The following DPP10 variants were observed in gnomAD, a reference collection of about 807,000 sequenced individuals.
The protein encoded by DPP10 is inactive dipeptidyl peptidase 10.
In DPP10, 33 loss-of-function variants were observed where a neutral mutation model predicts 120.9. That is an observed-to-expected ratio of 0.27 (90% CI 0.21 to 0.37). The LOEUF is 0.37. Among genes scored for constraint, DPP10 ranks in the 10% least tolerant of loss-of-function variants. The pLI, the probability that DPP10 is intolerant of heterozygous loss-of-function variation, is 1.00. For missense variants in DPP10, 816 were observed against 942.8 expected (o/e 0.87, Z 1.76); for synonymous variants, 337 against 326.1 (o/e 1.03, Z -0.36).
At chr2:115,341,864 T>G (rs1388305687) in intron 2 of DPP10, among the ~76,000 whole-genome samples, 1 of 152,192 alleles carries the variant, frequency 6.6e-6, no homozygotes, top group African/African-American at 2.4e-5. Flanking sequence ...TCTTGGTTGC[T>G]TCCAAATTTT....
At chr2:114,702,445 G>A (rs757435341) in intron 1 of DPP10, among the ~76,000 whole-genome samples, 2 of 151,968 alleles carry the variant, frequency 1.3e-5, no homozygotes, top group African/African-American at 4.8e-5. Flanking sequence ...GTAGTGGGTG[G>A]CCATTGCTCT....
chr2:115,371,393 A>G (rs1482310237), intron 3 of DPP10, among the ~76,000 whole-genome samples: 2 of 152,194 alleles, frequency 1.3e-5, no homozygotes, highest in African/African-American at 4.8e-5. Context: ...TTAAGAAACA[A>G]CAAATGTAGG....
At chr2:115,195,457 A>T (rs1156368357) in intron 1 of DPP10, among the ~76,000 whole-genome samples, 2 of 152,198 alleles carry the variant, frequency 1.3e-5, no homozygotes, top group Non-Finnish European at 2.9e-5. Flanking sequence ...TAATACCTTG[A>T]GCTTGTGCTT....
At chr2:114,782,628 T>C (rs1029632029) in intron 1 of DPP10, among the ~76,000 whole-genome samples, 1 of 152,094 alleles carries the variant, frequency 6.6e-6, no homozygotes, top group African/African-American at 2.4e-5. Flanking sequence ...GCTCCTCTTT[T>C]CATTTTATAG....
At chr2:115,041,707 C>T (rs878865206) in intron 1 of DPP10, among the ~76,000 whole-genome samples, 2 of 152,184 alleles carry the variant, frequency 1.3e-5, no homozygotes, top group Admixed American at 1.3e-4. Context: ...CACACCCTTG[C>T]TGCCTCAAGA....
chr2:115,469,701 C>A (rs1001890752), intron 3 of DPP10, among the ~76,000 whole-genome samples: 1 of 151,976 alleles, frequency 6.6e-6, no homozygotes, highest in Admixed American at 6.6e-5. Context: ...GAGCTCGAGA[C>A]CAGCCTGACC....
intron 1 of DPP10, among the ~76,000 whole-genome samples, chr2:115,023,491 AT>A (rs1371309983): frequency 2.6e-5 from 4 of 152,114 alleles, no homozygotes; most frequent in Admixed American, 1.3e-4. Flanking sequence ...AATCAAAAAA[AT>A]AATAGATGTT....
At chr2:115,375,198 C>T (rs542647977) in intron 3 of DPP10, among the ~76,000 whole-genome samples, 2 of 152,208 alleles carry the variant, frequency 1.3e-5, no homozygotes, top group Non-Finnish European at 2.9e-5. Flanking sequence ...TTAGGAGCAT[C>T]CAGGTCACAT....
Position 114,469,205 on chromosome 2 carries a change from T to C in DPP10, c.60+26367T>C, listed in dbSNP as rs150302067. Among the ~76,000 whole-genome samples the C allele has an allele frequency of 2.6e-5, 4 of 152,288 alleles. No individual in the cohort carries two copies. The East Asian group carries it at 7.7e-4, about 29-fold the overall frequency. ...CAGAAACTGTTACTGTTTTATTCCA[T>C]CATCTTAGGGCATCATACTTCATGG... On this transcript the variant is annotated intron_variant, in intron 1 of 25. Transcript: ENST00000410059.
At chr2:114,571,528 T>A (rs949794568) in intron 1 of DPP10, among the ~76,000 whole-genome samples, 8 of 152,110 alleles carry the variant, frequency 5.3e-5, no homozygotes, top group Admixed American at 2.6e-4. Context: ...ACCTTTAACA[T>A]ACGTGTAATG....
At chr2:114,711,614 T>C (rs1273621419) in intron 1 of DPP10, among the ~76,000 whole-genome samples, 1 of 152,222 alleles carries the variant, frequency 6.6e-6, no homozygotes, top group Non-Finnish European at 1.5e-5. Context: ...TGGCACATAG[T>C]AGGAGCTATG....
chr2:115,252,837 C>G (rs1346536983), intron 1 of DPP10, among the ~76,000 whole-genome samples: 1 of 152,160 alleles, frequency 6.6e-6, no homozygotes, highest in African/African-American at 2.4e-5. Context: ...AAAAATCTCT[C>G]TTCTAACCCT....
chr2:114,728,731 C>T (rs1032882627), intron 1 of DPP10, among the ~76,000 whole-genome samples: 16 of 152,140 alleles, frequency 1.1e-4, no homozygotes, highest in Admixed American at 2.0e-4. Flanking sequence ...GAGCTCTAAT[C>T]GTCTATTATT....
intron 5 of DPP10, among the ~76,000 whole-genome samples, chr2:115,650,696 A>G (rs1190705586): frequency 1.3e-5 from 2 of 151,968 alleles, no homozygotes; most frequent in East Asian, 1.9e-4. Context: ...GCTAGCCTCC[A>G]TGAGTATTTC....
At chr2:115,161,480 C>CG (rs1559163465) in intron 1 of DPP10, 2 of 148,672 alleles carry the variant, frequency 1.3e-5, no homozygotes, top group African/African-American at 4.9e-5. Context: ...CCGGGCTCTC[C>CG]CCCCCCCCGG....
intron 22 of DPP10, 91 bp downstream of exon 22, chr2:115,836,347 T>A: frequency 7.2e-7 from 1 of 1,383,958 alleles, no homozygotes. Context: ...AGCTCATTTA[T>A]CATATGTTAT....
intron 1 of DPP10, among the ~76,000 whole-genome samples, chr2:114,908,004 G>T (rs1694099381): frequency 6.6e-6 from 1 of 151,778 alleles, no homozygotes; most frequent in Non-Finnish European, 1.5e-5. Flanking sequence ...ATATATGTTT[G>T]TAATTGTTAC....
intron 11 of DPP10, 86 bp downstream of exon 11, chr2:115,753,383 A>G: frequency 1.5e-6 from 2 of 1,305,604 alleles, no homozygotes; most frequent in Non-Finnish European, 2.0e-6. Context: ...GCTTTGTACA[A>G]AAAAAATTCA....
chr2:115,185,608 T>A (rs1162605318), intron 1 of DPP10, among the ~76,000 whole-genome samples: 1 of 152,196 alleles, frequency 6.6e-6, no homozygotes, highest in East Asian at 1.9e-4. Flanking sequence ...ACCACAAGTT[T>A]GTAAATTTCT....
Sources: gnomAD v4.1 joint callset for allele counts (sites outside exome capture counted in the v4.1 genomes callset) on GRCh38, gnomAD v4.1.1 for gene constraint, MANE v1.5 for transcripts, NCBI Gene and HGNC (gene_info 2026-07-23, HGNC 2026-07-21) for gene names.